Variants in NUP210L observed in about 807,000 individuals in gnomAD.
NUP210L encodes nucleoporin 210 like.
In NUP210L, 74 loss-of-function variants were observed where a neutral mutation model predicts 208.5. The ratio of observed to expected loss-of-function variants is 0.35; its 90% CI spans 0.29 to 0.43. The LOEUF (loss-of-function observed/expected upper bound fraction) is 0.43. Ranked by LOEUF, NUP210L falls within the 20% of genes least tolerant of loss-of-function variation. The pLI is 1.00. For synonymous variants in NUP210L, 780 were observed against 816.9 expected (o/e 0.95, Z 0.77); for missense variants, 1,843 against 2,289.4 (o/e 0.81, Z 3.98).
chr1:154,076,534 C>A (rs1655051718), intron 16 of NUP210L, among the ~76,000 whole-genome samples: 1 of 151,714 alleles, frequency 6.6e-6, no homozygotes, highest in African/African-American at 2.4e-5. Flanking sequence ...CAAAAAAGAA[C>A]CAAAAAGAAA....
At chr1:154,123,292 C>T (rs1360158078) in intron 10 of NUP210L, among the ~76,000 whole-genome samples, 4 of 152,012 alleles carry the variant, frequency 2.6e-5, no homozygotes, top group Non-Finnish European at 5.9e-5. Flanking sequence ...ATTATAGGCA[C>T]GCGCCACCAC....
At chr1:154,022,104 G>A (rs1258325001) in intron 32 of NUP210L, 22 bp downstream of exon 32, 11 of 1,564,918 alleles carry the variant, frequency 7.0e-6, no homozygotes, top group Non-Finnish European at 8.8e-6. Context: ...TTGTAAGTTT[G>A]AGAAAGGGAA....
chr1:154,108,087 C>G (rs1465926419), intron 12 of NUP210L, among the ~76,000 whole-genome samples: 1 of 151,980 alleles, frequency 6.6e-6, no homozygotes, highest in East Asian at 1.9e-4. Flanking sequence ...AAGACATAGA[C>G]AGTATAAGAT....
Position 154,076,375 on chromosome 1 carries a change from T to C in NUP210L, c.2362-5910A>G, listed in dbSNP as rs1368686959. ...CCTCAGCCTCCCAAAGTGCTGGGAT[T>C]ACAAACATGAGCCACTGTGCCCGGC... On this transcript the variant is annotated intron_variant, in intron 16 of 39. Coordinates refer to ENST00000368559, the Ensembl canonical transcript of NUP210L. Among the ~76,000 whole-genome samples, 2 of 152,170 alleles carry C rather than the reference T, an allele frequency of 1.3e-5. 1 individual carries two copies. Among genetic ancestry groups the C allele is most frequent in the African/African-American group, 4.8e-5 (2 of 41,438 alleles).
At chr1:154,019,601 TG>T (rs1427345748) in intron 32 of NUP210L, among the ~76,000 whole-genome samples, 1 of 152,096 alleles carries the variant, frequency 6.6e-6, no homozygotes, top group Non-Finnish European at 1.5e-5. Flanking sequence ...TGGAAGACTA[TG>T]GGACAATCCT....
chr1:154,098,819 C>G (rs1208574425), intron 14 of NUP210L, among the ~76,000 whole-genome samples: 1 of 152,176 alleles, frequency 6.6e-6, no homozygotes, highest in Non-Finnish European at 1.5e-5. Context: ...TCACCAGATA[C>G]TGCACCTTCT....
chr1:154,098,825 C>T (rs1021005035), intron 14 of NUP210L, among the ~76,000 whole-genome samples: 1 of 152,198 alleles, frequency 6.6e-6, no homozygotes, highest in Non-Finnish European at 1.5e-5. Flanking sequence ...GATACTGCAC[C>T]TTCTGCCCAG....
At chr1:154,119,362 T>G (rs1571296103) in intron 10 of NUP210L, among the ~76,000 whole-genome samples, 1 of 151,998 alleles carries the variant, frequency 6.6e-6, no homozygotes, top group Middle Eastern at 3.4e-3. Flanking sequence ...ACGAGGTGGG[T>G]GGACCACCTG....
At chr1:153,996,447 AG>A (rs1649871777) in intron 37 of NUP210L, among the ~76,000 whole-genome samples, 1 of 151,924 alleles carries the variant, frequency 6.6e-6, no homozygotes, top group African/African-American at 2.4e-5. Context: ...TTTTTTTGAG[AG>A]GGAGTCTCTG....
At chr1:154,006,199 G>C (rs1405773572) in intron 35 of NUP210L, among the ~76,000 whole-genome samples, 3 of 151,888 alleles carry the variant, frequency 2.0e-5, no homozygotes, top group African/African-American at 7.3e-5. Flanking sequence ...TATTTATTTA[G>C]ACAGAGTCTT....
intron 38 of NUP210L, 104 bp downstream of exon 38, chr1:153,994,972 A>C (rs1649738859): frequency 1.5e-6 from 1 of 670,800 alleles, no homozygotes. Flanking sequence ...AGATTGCGCC[A>C]CTGCACTCCA....
intron 27 of NUP210L, among the ~76,000 whole-genome samples, chr1:154,040,380 A>G (rs1403497368): frequency 6.6e-6 from 1 of 151,968 alleles, no homozygotes; most frequent in Non-Finnish European, 1.5e-5. Context: ...ATCAAAAAAA[A>G]AAGAAGAAAA....
At chr1:154,067,907 C>T (rs1360963503) in intron 17 of NUP210L, among the ~76,000 whole-genome samples, 2 of 152,098 alleles carry the variant, frequency 1.3e-5, no homozygotes, top group Non-Finnish European at 2.9e-5. Context: ...AGGACCTCTT[C>T]AAGGAGAACT....
At chr1:154,121,157 C>A (rs1571298352) in intron 10 of NUP210L, among the ~76,000 whole-genome samples, 1 of 152,100 alleles carries the variant, frequency 6.6e-6, no homozygotes, top group Non-Finnish European at 1.5e-5. Context: ...TATTAAATCC[C>A]TTACTGTCAC....
chr1:154,023,194 G>A (rs977950539), exon 31 of NUP210L: 10 of 1,613,996 alleles, frequency 6.2e-6, no homozygotes, highest in Non-Finnish European at 8.5e-6. Context: ...AAACTGAACA[G>A]TGAAGGTAAG....
At chr1:154,088,194 C>T (rs543485393) in intron 16 of NUP210L, among the ~76,000 whole-genome samples, 1 of 152,124 alleles carries the variant, frequency 6.6e-6, no homozygotes, top group South Asian at 2.1e-4. Flanking sequence ...AAAAAATTAG[C>T]CAGCATGGTG....
chr1:154,035,392 A>T (rs1371859986), intron 27 of NUP210L, among the ~76,000 whole-genome samples: 8 of 141,048 alleles, frequency 5.7e-5, no homozygotes, highest in African/African-American at 7.8e-5. Context: ...TTTTATTTTA[A>T]TTTTTTCTAC....
At chr1:154,148,652 T>C (rs1659231654) in intron 2 of NUP210L, among the ~76,000 whole-genome samples, 1 of 152,218 alleles carries the variant, frequency 6.6e-6, no homozygotes, top group African/African-American at 2.4e-5. Context: ...TTACATCTCT[T>C]TTGTAAATCT....
At chr1:154,095,918 G>T (rs1362625391) in intron 14 of NUP210L, among the ~76,000 whole-genome samples, 1 of 152,138 alleles carries the variant, frequency 6.6e-6, no homozygotes, top group Non-Finnish European at 1.5e-5. Context: ...GGTTATTTTT[G>T]TATGGCACAC....
Sources: allele counts gnomAD v4.1 joint callset (sites outside exome capture counted in the v4.1 genomes callset), GRCh38; gene constraint gnomAD v4.1.1; transcripts MANE v1.5; gene names NCBI Gene and HGNC (gene_info 2026-07-23, HGNC 2026-07-21).